Variants in LCP1 observed in about 807,000 individuals in gnomAD.
LCP1 encodes the protein plastin-2.
A neutral mutation model predicts 72.0 loss-of-function variants in LCP1; 23 were observed. That is an observed-to-expected ratio of 0.32 (90% CI 0.23 to 0.45). The LOEUF is 0.45. Among genes scored for constraint, LCP1 ranks in the 20% least tolerant of loss-of-function variants. The pLI is 1.00. For synonymous variants in LCP1, 245 were observed against 275.4 expected, an observed-to-expected ratio of 0.89 and a Z score of 1.09; for missense variants, 571 against 748.3, an observed-to-expected ratio of 0.76 and a Z score of 2.76.
At chr13:46,137,429 T>C (rs753967855) in intron 13 of LCP1, among the ~76,000 whole-genome samples, 3 of 151,900 alleles carry the variant, frequency 2.0e-5, no homozygotes, top group African/African-American at 4.8e-5. Context: ...CCCAGCTATT[T>C]GGTGGGAGGC....
In LCP1 at chr13:46,143,292, T is replaced by G. The variant is rs1471618508; in HGVS notation, c.1366A>C (p.Lys456Gln). ...PYPKLGGNMK[K>Q]LENCNYAVEL... ...ACAACAGAACCATCATTGTTTACCTTCTTCATATTGCCTCCCAGTTTGGGG... is the reference window on the plus strand; with the variant it reads ...ACAACAGAACCATCATTGTTTACCTGCTTCATATTGCCTCCCAGTTTGGGG... The change falls in exon 12 of 16, where the codon AAG (lysine) becomes CAG (glutamine). Residue 456 changes from lysine (K) to glutamine (Q), a missense_variant and splice_region_variant. Physicochemically the swap from Lys to Gln is moderately conservative, Grantham distance 53. Coordinates refer to ENST00000323076, the MANE Select transcript of LCP1 (RefSeq NM_002298.5). 3.7e-6 allele frequency: 6 copies of G among 1,606,208 alleles called. No individual in the cohort carries two copies. The highest frequency in any genetic ancestry group is 5.1e-6 in the Non-Finnish European group (6 of 1,172,778).
intron 1 of LCP1, among the ~76,000 whole-genome samples, chr13:46,161,610 CTCTT>C (rs1385814327): frequency 1.3e-5 from 2 of 152,104 alleles, no homozygotes; most frequent in Non-Finnish European, 2.9e-5. Context: ...CTTCCTTCCT[CTCTT>C]TCTTTTTCAG....
intron 14 of LCP1, among the ~76,000 whole-genome samples, chr13:46,132,070 G>A (rs2045637425): frequency 6.7e-6 from 1 of 149,724 alleles, no homozygotes; most frequent in Non-Finnish European, 1.5e-5. Flanking sequence ...AGGAATGTGG[G>A]GCTAGTATGA....
chr13:46,162,262 CCTCCCT>C (rs2045843600), intron 1 of LCP1, among the ~76,000 whole-genome samples: 1 of 116,224 alleles, frequency 8.6e-6, no homozygotes, highest in Admixed American at 8.4e-5. Flanking sequence ...TCCCCCTCCC[CCTCCCT>C]CCCCCTCCCC....
At chr13:46,143,240 A>T in intron 12 of LCP1, 50 bp downstream of exon 12, 14 of 1,245,636 alleles carry the variant, frequency 1.1e-5, no homozygotes, top group Non-Finnish European at 1.7e-5. Context: ...GTGCTCTTGC[A>T]GGCTATGACT....
intron 1 of LCP1, among the ~76,000 whole-genome samples, chr13:46,172,719 G>A (rs1430307733): frequency 6.6e-6 from 1 of 152,122 alleles, no homozygotes; most frequent in Non-Finnish European, 1.5e-5. Flanking sequence ...CTCACCACAG[G>A]TAATGTGAAT....
intron 15 of LCP1, among the ~76,000 whole-genome samples, chr13:46,130,336 C>T (rs188913040): frequency 1.3e-5 from 2 of 152,284 alleles, no homozygotes; most frequent in Admixed American, 1.3e-4. Context: ...TTTAGAAAAG[C>T]AGACAACAGG....
At chr13:46,152,279 A>G (rs2045773425) in intron 7 of LCP1, among the ~76,000 whole-genome samples, 1 of 151,818 alleles carries the variant, frequency 6.6e-6, no homozygotes, top group South Asian at 2.1e-4. Flanking sequence ...AATATTATTA[A>G]CTATAGCCCT....
intron 12 of LCP1, 50 bp from the exon 13 acceptor site, chr13:46,142,475 T>C: frequency 3.8e-6 from 6 of 1,562,326 alleles, no homozygotes; most frequent in Non-Finnish European, 5.3e-6. Context: ...TTGATTATGA[T>C]AAATACCAGA....
chr13:46,130,751 C>T lies in LCP1; in HGVS notation c.1751+63G>A. The T allele has an allele frequency of 2.5e-6, 4 of 1,594,626 alleles. No homozygotes were observed. In the South Asian group the frequency reaches 4.5e-5, roughly 18 times the overall value. ...ATAAAGGCATGAGCATTAGACTTTA[C>T]AACCATCCAGCTGCCAGTTGGGTCC... On this transcript the variant is annotated intron_variant, in intron 15 of 15. Coordinates refer to ENST00000323076, the MANE Select transcript of LCP1 (RefSeq NM_002298.5).
chr13:46,166,903 T>A (rs1452976870), intron 1 of LCP1, among the ~76,000 whole-genome samples: 3 of 152,194 alleles, frequency 2.0e-5, no homozygotes, highest in Non-Finnish European at 2.9e-5. Flanking sequence ...TATGACTAAC[T>A]TTTACATAAA....
At position 46,156,484 on chromosome 13, in the gene LCP1, T is replaced by C. The variant is rs1292893451; in HGVS notation, c.445A>G (p.Asn149Asp). The change falls in exon 5 of 16, where the codon AAC (asparagine) becomes GAC (aspartate). Residue 149 changes from asparagine (N) to aspartate (D), a missense_variant. Physicochemically the swap from Asn to Asp is conservative, Grantham distance 23. Coordinates refer to ENST00000323076, the MANE Select transcript of LCP1 (RefSeq NM_002298.5). ...ACAGCATTAAAGAGATCATTCGTGTTTGGGTTCATTGGGATGACATGCCGA... is the reference window on the plus strand; with the variant it reads ...ACAGCATTAAAGAGATCATTCGTGTCTGGGTTCATTGGGATGACATGCCGA... Reference protein sequence around the residue: ...DCRHVIPMNPNTNDLFNAVGD... With the variant: ...DCRHVIPMNPDTNDLFNAVGD... The C allele has an allele frequency of 3.1e-6, 5 of 1,614,160 alleles. No homozygotes were observed. In the South Asian group the frequency reaches 5.5e-5, roughly 18 times the overall value.
rs74074016 is a variant in LCP1 at position 46,167,368 on chromosome 13, T to C, written c.-24-7682A>G. Among the ~76,000 whole-genome samples, 1,502 of 152,214 alleles carry C rather than the reference T, an allele frequency of 9.9e-3. 28 individuals carry two copies. The highest frequency in any genetic ancestry group is 0.033 in the African/African-American group (1,379 of 41,524). On this transcript the variant is annotated intron_variant, in intron 1 of 15. Coordinates refer to ENST00000323076, the MANE Select transcript of LCP1 (RefSeq NM_002298.5). ...TCTGTCGCCAGCTAAGGAGTTCTCA[T>C]TCCTTCCTTCTCTCCCTTAGTACAT...
intron 13 of LCP1, among the ~76,000 whole-genome samples, 157 bp from the exon 14 acceptor site, chr13:46,134,407 A>G (rs983868407): frequency 3.9e-5 from 6 of 152,248 alleles, no homozygotes; most frequent in African/African-American, 1.4e-4. Flanking sequence ...TTACAACATT[A>G]GTTCCTTTTA....
At chr13:46,143,238 G>A in intron 12 of LCP1, 52 bp downstream of exon 12, 2 of 1,223,308 alleles carry the variant, frequency 1.6e-6, no homozygotes, top group Non-Finnish European at 2.4e-6. Flanking sequence ...GAGTGCTCTT[G>A]CAGGCTATGA....
intron 13 of LCP1, among the ~76,000 whole-genome samples, chr13:46,135,851 G>A (rs146805147): frequency 1.3e-4 from 20 of 149,334 alleles, no homozygotes; most frequent in South Asian, 4.3e-4. Context: ...CTGCGCCCCC[G>A]AACTCCTGGG....
In LCP1 at chr13:46,173,567, C is replaced by T. The variant is rs2045914046; in HGVS notation, c.-25+8544G>A. ...AACTGTAGGAAATATTGTCAAGTCG[C>T]AACTTAAAAGCAAAGATTAGTTGTG... On this transcript the variant is annotated intron_variant, in intron 1 of 15. Coordinates refer to ENST00000323076, the MANE Select transcript of LCP1 (RefSeq NM_002298.5). Among the ~76,000 whole-genome samples, 4 of 125,146 alleles carry T rather than the reference C, an allele frequency of 3.2e-5. No homozygotes were observed. In the South Asian group the frequency reaches 1.2e-3, roughly 38 times the overall value. 82.1% of individuals were successfully genotyped at this position (125,146 alleles called of 152,430 possible).
intron 13 of LCP1, among the ~76,000 whole-genome samples, chr13:46,135,401 T>C (rs956754035): frequency 2.0e-5 from 3 of 152,204 alleles, no homozygotes; most frequent in African/African-American, 7.2e-5. Flanking sequence ...CACCCTCCAC[T>C]TGTGTGCTCT....
chr13:46,162,859 G>T lies in LCP1; in HGVS notation c.-24-3173C>A, dbSNP rs531133180. ...CGACCCCGTCTGGGAGGTGAGGAGC[G>T]TCTCTGCACGGCTGCCCCGTCTGAG... On this transcript the variant is annotated intron_variant, in intron 1 of 15. Coordinates refer to ENST00000323076, the MANE Select transcript of LCP1 (RefSeq NM_002298.5). Among the ~76,000 whole-genome samples, 1,387 of 146,814 alleles carry T rather than the reference G, an allele frequency of 9.4e-3. 24 individuals are homozygous for T. Among genetic ancestry groups the T allele is most frequent in the African/African-American group, 0.033 (1,311 of 39,304 alleles).
Sources: allele counts gnomAD v4.1 joint callset (sites outside exome capture counted in the v4.1 genomes callset), GRCh38; gene constraint gnomAD v4.1.1; transcripts MANE v1.5; gene names NCBI Gene and HGNC (gene_info 2026-07-23, HGNC 2026-07-21).